ECSIT: variants seen among roughly 807,000 people sequenced by gnomAD.
ECSIT encodes the protein ECSIT signaling integrator, also known as evolutionarily conserved signaling intermediate in Toll pathway, mitochondrial.
ECSIT carries 29 observed loss-of-function variants against 36.8 expected under a neutral mutation model. The ratio of observed to expected loss-of-function variants is 0.79; its 90% CI spans 0.59 to 1.08. The LOEUF (loss-of-function observed/expected upper bound fraction) is 1.08. Ranked by LOEUF, ECSIT falls within the 50% of genes least tolerant of loss-of-function variation. The pLI, the probability that ECSIT is intolerant of heterozygous loss-of-function variation, is 0.00. For missense variants in ECSIT, 542 were observed against 581.0 expected (o/e 0.93, Z 0.69); for synonymous variants, 231 against 234.8 (o/e 0.98, Z 0.15).
Position 11,508,383 on chromosome 19 carries a change from A to ATTTTTTTTTATTT in ECSIT, c.739-336_739-335insAAATAAAAAAAAA, listed in dbSNP as rs1555739032. The stretch of plus-strand genomic sequence containing the variant: ...GGGATGATAACAGCACTTAATTCCG[A>ATTTTTTTTTATTT]TTTTTTTTTTTTTTTTAGGGATGGG... On this transcript the variant is annotated intron_variant, in intron 4 of 7. Coordinates refer to ENST00000270517, the MANE Select transcript of ECSIT (RefSeq NM_016581.5). Among the ~76,000 whole-genome samples the ATTTTTTTTTATTT allele has an allele frequency of 8.9e-5, 11 of 124,052 alleles. 2 individuals are homozygous for ATTTTTTTTTATTT. Among genetic ancestry groups the ATTTTTTTTTATTT allele is most frequent in the African/African-American group, 4.0e-4 (11 of 27,650 alleles). The allele number at this position is 124,052 out of a possible 152,430, so 81.4% of individuals were successfully genotyped here.
At chr19:11,509,370 G>A (rs764341244) in intron 4 of ECSIT, among the ~76,000 whole-genome samples, 104 of 139,954 alleles carry the variant, frequency 7.4e-4, no homozygotes, top group Non-Finnish European at 1.3e-3. Flanking sequence ...ACTGCGCCCC[G>A]CTGACAAAGT....
At chr19:11,508,189 T>G (rs765620261) in intron 4 of ECSIT, 141 bp from the exon 5 acceptor site, 10 of 980,746 alleles carry the variant, frequency 1.0e-5, no homozygotes, top group Non-Finnish European at 1.4e-5. Context: ...ACCTGTCCCC[T>G]CCTCCCTCTG....
chr19:11,511,909 T>A (rs1328469789), intron 4 of ECSIT, among the ~76,000 whole-genome samples: 1 of 151,936 alleles, frequency 6.6e-6, no homozygotes, highest in Non-Finnish European at 1.5e-5. Flanking sequence ...GGTGCATGCC[T>A]GTAATCCCAG....
chr19:11,520,542 T>C (rs1972082808), intron 1 of ECSIT, among the ~76,000 whole-genome samples: 3 of 151,710 alleles, frequency 2.0e-5, no homozygotes, highest in African/African-American at 7.3e-5. Flanking sequence ...TTAGACAGGA[T>C]CTTGCTTTGT....
chr19:11,518,426 TAAA>T (rs35109980), intron 2 of ECSIT, among the ~76,000 whole-genome samples: 1 of 141,630 alleles, frequency 7.1e-6, no homozygotes, highest in Non-Finnish European at 1.6e-5. Context: ...AAATTCCATC[TAAA>T]AAAAAAAAAA....
At chr19:11,511,673 G>A (rs559756373) in intron 4 of ECSIT, among the ~76,000 whole-genome samples, 49 of 152,130 alleles carry the variant, frequency 3.2e-4, no homozygotes, top group Non-Finnish European at 3.1e-4. Context: ...TAAGAGGTCA[G>A]GCCTTTGAGA....
intron 7 of ECSIT, 117 bp downstream of exon 7, chr19:11,507,340 T>C: frequency 1.3e-6 from 1 of 796,672 alleles, no homozygotes; most frequent in South Asian, 1.4e-5. Flanking sequence ...GCAGTGGCTC[T>C]ATAATAGTTC....
At chr19:11,512,925 A>G in intron 4 of ECSIT, 131 bp downstream of exon 4, 1 of 926,666 alleles carries the variant, frequency 1.1e-6, no homozygotes, top group Non-Finnish European at 1.7e-6. Flanking sequence ...CCTGGGCAAC[A>G]GAGCAAGACC....
rs1215425314 is a variant in ECSIT at position 11,505,975 on chromosome 19, G to C, written c.*209C>G. ...CCGCCCCTTTTTATTTGAATTCGGA[G>C]AACCAGAGGCGCCTGCAGATTCTGG... is the stretch of plus-strand genomic sequence containing the variant. On this transcript the variant is annotated 3_prime_UTR_variant, in exon 8 of 8. Transcript: ENST00000270517. The C allele has an allele frequency of 2.1e-6, 2 of 969,058 alleles. No homozygotes were observed. Among genetic ancestry groups the C allele is most frequent in the Admixed American group, 5.7e-5 (2 of 35,226 alleles). The allele number at this position is 969,058 out of a possible 1,614,324, so 60.0% of individuals were successfully genotyped here.
intron 4 of ECSIT, among the ~76,000 whole-genome samples, chr19:11,511,720 G>A (rs1971873863): frequency 6.6e-6 from 1 of 152,094 alleles, no homozygotes. Context: ...CTGCCTTCAT[G>A]AATGAGATTA....
intron 1 of ECSIT, among the ~76,000 whole-genome samples, chr19:11,520,275 G>A (rs186919551): frequency 5.9e-5 from 9 of 152,088 alleles, no homozygotes; most frequent in African/African-American, 1.7e-4. Flanking sequence ...GGATTCAAGC[G>A]ATTCCCATGC....
chr19:11,526,756 G>A (rs1273425003), intron 1 of ECSIT, among the ~76,000 whole-genome samples: 1 of 140,482 alleles, frequency 7.1e-6, no homozygotes, highest in Admixed American at 7.5e-5. Flanking sequence ...GTCTCACTCT[G>A]TTCCCCAGGC....
At chr19:11,518,254 G>A (rs909200398) in intron 2 of ECSIT, among the ~76,000 whole-genome samples, 2 of 151,824 alleles carry the variant, frequency 1.3e-5, no homozygotes, top group African/African-American at 2.4e-5. Flanking sequence ...TGGCAAAACC[G>A]CGTCTCTACT....
chr19:11,507,715 G>A lies in ECSIT; in HGVS notation c.932C>T (p.Pro311Leu). 2 of 1,614,098 alleles carry A rather than the reference G, an allele frequency of 1.2e-6. No homozygotes were observed. The highest frequency in any genetic ancestry group is 2.2e-5 in the South Asian group (2 of 91,082). The part of the protein sequence containing the change: ...YYHILRADLL[P>L]PEEREVEETP... ...TTAAGCCCTCACCCTCTCCTCCGGG[G>A]GCAGCAAGTCAGCTCTGAGGATGTG... The change falls in exon 6 of 8, where the codon CCC becomes CTC. Residue 311 changes from proline to leucine, a missense_variant. Physicochemically the swap from Pro to Leu is moderately conservative, Grantham distance 98 (BLOSUM62 -3). Coordinates refer to ENST00000270517, the MANE Select transcript of ECSIT (RefSeq NM_016581.5).
At chr19:11,527,091 C>T (rs896233262) in intron 1 of ECSIT, among the ~76,000 whole-genome samples, 6 of 152,130 alleles carry the variant, frequency 3.9e-5, no homozygotes, top group African/African-American at 1.4e-4. Flanking sequence ...CTTTGGGAGG[C>T]TGAAGCAGGT....
chr19:11,524,895 T>C (rs1972182289), intron 1 of ECSIT, among the ~76,000 whole-genome samples: 1 of 151,920 alleles, frequency 6.6e-6, no homozygotes, highest in Admixed American at 6.6e-5. Context: ...TCCCAGCAAT[T>C]TGGGAAGCCA....
chr19:11,508,151 T>G (rs564189098), intron 4 of ECSIT, 103 bp from the exon 5 acceptor site: 161 of 1,373,704 alleles, frequency 1.2e-4, no homozygotes, highest in Middle Eastern at 3.7e-4. Context: ...TCAGGACACC[T>G]CTCCTGGATC....
intron 2 of ECSIT, among the ~76,000 whole-genome samples, chr19:11,516,679 TTATC>T (rs767643239): frequency 1.6e-5 from 2 of 128,122 alleles, no homozygotes; most frequent in African/African-American, 6.7e-5. Flanking sequence ...GTGTGTGTGT[TTATC>T]TACACACACA....
chr19:11,506,344 T>C lies in ECSIT; in HGVS notation c.1136A>G (p.Glu379Gly). ...TMAKWIQGLQETNPTLAQIPV... is the reference protein window; with the variant it reads ...TMAKWIQGLQGTNPTLAQIPV... ...GATCTGGGCCAGGGTTGGGTTGGTC[T>C]CCTGCAGGCCCTGGATCCACTTAGC... The change falls in exon 8 of 8, where the codon GAG (glutamate) becomes GGG (glycine). Residue 379 changes from glutamate to glycine, a missense_variant. Glu to Gly is a moderately conservative substitution (Grantham distance 98). Coordinates refer to ENST00000270517, the MANE Select transcript of ECSIT (RefSeq NM_016581.5). 9 of 1,613,616 alleles carry C rather than the reference T, an allele frequency of 5.6e-6. No homozygotes were observed. Among genetic ancestry groups the C allele is most frequent in the Non-Finnish European group, 7.6e-6 (9 of 1,179,876 alleles).
Sources: allele counts gnomAD v4.1 joint callset (sites outside exome capture counted in the v4.1 genomes callset), GRCh38; gene constraint gnomAD v4.1.1; transcripts MANE v1.5; gene names NCBI Gene and HGNC (gene_info 2026-07-23, HGNC 2026-07-21).